Variants in ZNF536 observed in about 807,000 individuals in gnomAD.
ZNF536 encodes zinc finger protein 536.
ZNF536 carries 13 observed loss-of-function variants against 84.5 expected under a neutral mutation model. The ratio of observed to expected loss-of-function variants is 0.15; its 90% confidence interval spans 0.10 to 0.24. The LOEUF is 0.24. ZNF536 is among the 10% of genes least tolerant of loss of function. The probability of loss-of-function intolerance (pLI) is 1.00; values close to 1 mark genes in which losing one functional copy is unlikely to be tolerated. For missense variants in ZNF536, 1,536 were observed against 1,747.5 expected (o/e 0.88, Z 2.16); for synonymous variants, 811 against 742.5 (o/e 1.09, Z -1.50).
chr19:30,452,622 G>A (rs908901711), intron 2 of ZNF536, among the ~76,000 whole-genome samples: 1 of 152,214 alleles, frequency 6.6e-6, no homozygotes, highest in Admixed American at 6.5e-5. Context: ...GCATTTGGAA[G>A]CCTTTTGAGC....
intron 1 of ZNF536, among the ~76,000 whole-genome samples, chr19:30,704,616 C>G (rs1315457555): frequency 7.3e-6 from 1 of 136,274 alleles, no homozygotes; most frequent in African/African-American, 2.8e-5. Flanking sequence ...CATTGCACTC[C>G]AGCCTGGGCA....
At chr19:30,377,006 T>A (rs1216617858) in intron 1 of ZNF536, among the ~76,000 whole-genome samples, 1 of 152,186 alleles carries the variant, frequency 6.6e-6, no homozygotes, top group Non-Finnish European at 1.5e-5. Context: ...CAGGGGAGGC[T>A]GGCAGGCATG....
chr19:30,466,296 C>T (rs1020143722), intron 2 of ZNF536, among the ~76,000 whole-genome samples: 6 of 151,760 alleles, frequency 4.0e-5, no homozygotes, highest in Admixed American at 3.3e-4. Flanking sequence ...AATCCCAGCA[C>T]TCTGGGAGAC....
At chr19:30,471,619 G>A (rs1384787992) in intron 2 of ZNF536, among the ~76,000 whole-genome samples, 1 of 152,208 alleles carries the variant, frequency 6.6e-6, no homozygotes, top group Non-Finnish European at 1.5e-5. Flanking sequence ...AGGGGCAGAT[G>A]GCTGAGGAGG....
intron 1 of ZNF536, among the ~76,000 whole-genome samples, chr19:30,237,617 G>A (rs1349225229): frequency 1.3e-5 from 2 of 152,138 alleles, no homozygotes; most frequent in African/African-American, 4.8e-5. Context: ...AGTAACATGA[G>A]GAAACTTTGT....
At chr19:30,700,986 C>G (rs35315580) in intron 1 of ZNF536, among the ~76,000 whole-genome samples, 4 of 152,062 alleles carry the variant, frequency 2.6e-5, no homozygotes, top group Non-Finnish European at 5.9e-5. Flanking sequence ...GGAACTGATG[C>G]GGAGGCTGCT....
intron 1 of ZNF536, among the ~76,000 whole-genome samples, chr19:30,658,552 C>G (rs2050004818): frequency 6.6e-6 from 1 of 152,186 alleles, no homozygotes; most frequent in South Asian, 2.1e-4. Context: ...CACACACACA[C>G]ACACACACGC....
intron 2 of ZNF536, among the ~76,000 whole-genome samples, chr19:30,458,519 T>G (rs1179190925): frequency 6.9e-6 from 1 of 144,888 alleles, no homozygotes; most frequent in Non-Finnish European, 1.5e-5. Context: ...TGGCGTGATC[T>G]CCGGTTCACT....
intron 2 of ZNF536, among the ~76,000 whole-genome samples, chr19:30,338,036 AGTGGTGATGATG>A (rs566929658): frequency 8.5e-4 from 128 of 150,768 alleles, no homozygotes; most frequent in Middle Eastern, 6.9e-3. Flanking sequence ...TTATGATGAC[AGTGGTGATGATG>A]GTGGTGATGA....
Position 30,409,896 on chromosome 19 carries a change from G to C in ZNF536, c.-2-33665G>C, listed in dbSNP as rs1427007620. Among the ~76,000 whole-genome samples the C allele has an allele frequency of 2.0e-5, 3 of 151,966 alleles. No individual in the cohort carries two copies. The East Asian group carries it at 5.8e-4, about 29-fold the overall frequency. ...GATGTAAAGATACATATCTTTAATGGAATGCCTCTAAGTCCCTTTGGTGAA... is the reference window on the plus strand; with the variant it reads ...GATGTAAAGATACATATCTTTAATGCAATGCCTCTAAGTCCCTTTGGTGAA... On this transcript the variant is annotated intron_variant, in intron 1 of 4. Coordinates refer to ENST00000355537, the MANE Select transcript of ZNF536 (RefSeq NM_014717.3).
chr19:30,693,818 C>T (rs990371807), intron 1 of ZNF536, among the ~76,000 whole-genome samples: 1 of 152,154 alleles, frequency 6.6e-6, no homozygotes, highest in African/African-American at 2.4e-5. Context: ...TGGATATATA[C>T]TGTGGGTATG....
chr19:30,452,371 G>A (rs1158587975), intron 2 of ZNF536, among the ~76,000 whole-genome samples: 1 of 152,230 alleles, frequency 6.6e-6, no homozygotes, highest in Admixed American at 6.5e-5. Flanking sequence ...TGCGTTCCCA[G>A]GAAGGGTAAG....
chr19:30,642,889 C>T (rs2147353780), intron 1 of ZNF536, among the ~76,000 whole-genome samples: 1 of 152,272 alleles, frequency 6.6e-6, no homozygotes, highest in Middle Eastern at 3.4e-3. Context: ...GAGAGCCCAG[C>T]TCCCTGAGGG....
chr19:30,267,936 C>T (rs2025602230), intron 1 of ZNF536, among the ~76,000 whole-genome samples: 1 of 151,698 alleles, frequency 6.6e-6, no homozygotes, highest in African/African-American at 2.4e-5. Flanking sequence ...CAACGGAATA[C>T]AGCTTATTTG....
In ZNF536 at chr19:30,581,370, A is replaced by G. The variant is rs898636339; in HGVS notation, c.169+31856A>G. 4.6e-5 allele frequency among the ~76,000 whole-genome samples: 7 copies of G among 152,206 alleles called. No individual in the cohort carries two copies. In the Middle Eastern group the frequency reaches 0.01, roughly 222 times the overall value. On this transcript the variant is annotated intron_variant, in intron 1 of 1. Coordinates refer to the ZNF536 transcript ENST00000592773. The stretch of plus-strand genomic sequence containing the variant: ...TGGGCGCCTGTAGTCCCAGCTACTC[A>G]GGTGGCTGAGGCACAAGAATCACTT...
intron 2 of ZNF536, among the ~76,000 whole-genome samples, chr19:30,340,005 G>A (rs1173821334): frequency 6.6e-6 from 1 of 152,148 alleles, no homozygotes; most frequent in Non-Finnish European, 1.5e-5. Context: ...GGGAAGGCAG[G>A]TGGACTCCCC....
chr19:30,542,637 G>A (rs1024558112), intron 3 of ZNF536, among the ~76,000 whole-genome samples: 1 of 152,238 alleles, frequency 6.6e-6, no homozygotes. Flanking sequence ...ACCAGTGTTC[G>A]TAGCTGCTTC....
chr19:30,231,969 A>T (rs1178031072), intron 1 of ZNF536, among the ~76,000 whole-genome samples: 1 of 152,202 alleles, frequency 6.6e-6, no homozygotes, highest in Non-Finnish European at 1.5e-5. Context: ...GGGTGGAAAT[A>T]AATGAAGAAA....
intron 1 of ZNF536, among the ~76,000 whole-genome samples, chr19:30,587,124 A>C (rs2047121030): frequency 6.6e-6 from 1 of 152,240 alleles, no homozygotes; most frequent in African/African-American, 2.4e-5. Context: ...ATCCTCAACC[A>C]GCCTTTCCCA....
Sources: gnomAD v4.1 joint callset for allele counts (sites outside exome capture counted in the v4.1 genomes callset) on GRCh38, gnomAD v4.1.1 for gene constraint, MANE v1.5 for transcripts, NCBI Gene and HGNC (gene_info 2026-07-23, HGNC 2026-07-21) for gene names.